ITGB4: variants seen among roughly 807,000 people sequenced by gnomAD.
ITGB4 encodes integrin beta-4.
Under a neutral mutation model 207.6 loss-of-function variants are expected in ITGB4, and 159 were observed. The observed-to-expected ratio is 0.77, with a 90% CI of 0.67 to 0.87. The LOEUF (loss-of-function observed/expected upper bound fraction) is 0.87, where lower values mean the gene tolerates loss of function less well. Among genes scored for constraint, ITGB4 ranks in the 40% least tolerant of loss-of-function variants. ITGB4 has a pLI of 0.00. For synonymous variants in ITGB4, 1,020 were observed against 1,062.7 expected (o/e 0.96, Z 0.78); for missense variants, 2,278 against 2,546.8 (o/e 0.89, Z 2.27).
In ITGB4 at chr17:75,754,778, C is replaced by G. The variant is rs8669; in HGVS notation, c.4521C>G (p.Pro1507=). The part of the protein sequence containing the change: ...RSEHSHSTTL[P]RDYSTLTSVS... ...AACACTCACACTCGACCACACTGCC[C>G]AGGGACTACTCCACCCTCACCTCCG... Residue 1507 remains proline (P), a synonymous_variant, in exon 34 of 40, where the codon CCC becomes CCG. Transcript: ENST00000200181. 0.47 allele frequency: 755,317 copies of G among 1,613,648 alleles called. 182,550 individuals carry two copies. The highest frequency in any genetic ancestry group is 0.49 in the Non-Finnish European group (582,982 of 1,179,716).
chr17:75,742,329 C>A lies in ITGB4; in HGVS notation c.2634-12C>A. 6.2e-7 allele frequency: 1 copy of A among 1,613,236 alleles called. No individual in the cohort carries two copies. Among genetic ancestry groups the A allele is most frequent in the Non-Finnish European group, 8.5e-7 (1 of 1,180,024 alleles). ...ACCCCTCCGCTGCCTGAACCTTCCA[C>A]CCTCGACCCAGGCAAGACCACACCA... is the stretch of plus-strand genomic sequence containing the variant. On this transcript the variant is annotated splice_polypyrimidine_tract_variant and intron_variant, in intron 23 of 39. Transcript: ENST00000200181. This position sits in a 1 kb window ranked among gnomAD's most constrained non-coding sequence, Gnocchi z 5.9.
chr17:75,756,877 G>GA lies in ITGB4; in HGVS notation c.5053+18_5053+19insA, dbSNP rs773361478. Reference sequence around the variant, plus strand: ...AGGAGGAGGTGCTGCCCACCCCGGGGGCAGGAGTGGCCAGGGGAGGGGTAA... The same window carrying GA: ...AGGAGGAGGTGCTGCCCACCCCGGGGAGCAGGAGTGGCCAGGGGAGGGGTAA... On this transcript the variant is annotated intron_variant, in intron 37 of 39. Coordinates refer to ENST00000200181, the MANE Select transcript of ITGB4 (RefSeq NM_000213.5). The GA allele has an allele frequency of 1.2e-6, 2 of 1,612,154 alleles. No individual in the cohort carries two copies. The highest frequency in any genetic ancestry group is 2.2e-5 in the South Asian group (2 of 91,066).
chr17:75,725,309 T>G (rs1437741813), intron 2 of ITGB4, among the ~76,000 whole-genome samples: 1 of 152,194 alleles, frequency 6.6e-6, no homozygotes, highest in African/African-American at 2.4e-5. Flanking sequence ...TGTTATTTTT[T>G]TATTTAATTC....
chr17:75,731,928 C>G lies in ITGB4; in HGVS notation c.1332C>G (p.Leu444=). 1 of 1,614,056 alleles carries G rather than the reference C, an allele frequency of 6.2e-7. No homozygotes were observed. Among genetic ancestry groups the G allele is most frequent in the Non-Finnish European group, 8.5e-7 (1 of 1,180,028 alleles). ...IHLKPSFSDG[L]KMDAGIICDV... is the part of the protein sequence containing the mutation. ...TGAAACCTTCCTTCTCCGACGGCCT[C>G]AAGATGGACGCGGGCATCATCTGTG... is the stretch of plus-strand genomic sequence containing the variant. The change falls in exon 11 of 40, where the codon CTC becomes CTG. Residue 444 remains leucine (L), a synonymous_variant. Transcript: ENST00000200181. This position sits in a 1 kb window ranked among gnomAD's most constrained non-coding sequence, Gnocchi z 6.8.
rs1222134870 is a variant in ITGB4, at chr17:75,740,074, G to A, written c.2446+3G>A. 3 of 1,610,644 alleles carry A rather than the reference G, an allele frequency of 1.9e-6. No homozygotes were observed. In the African/African-American group the frequency reaches 4.0e-5, roughly 21 times the overall value. On this transcript the variant is annotated splice_donor_region_variant and intron_variant, in intron 20 of 39. Coordinates refer to ENST00000200181, the MANE Select transcript of ITGB4 (RefSeq NM_000213.5). This position sits in a 1 kb window ranked among gnomAD's most constrained non-coding sequence, Gnocchi z 5.9. ...CAGCATCAACCCCACAGAGCTGGGT[G>A]AGGGCGGGGCTGGGCGCCACAGCTC...
chr17:75,728,519 T>A, intron 6 of ITGB4, 46 bp downstream of exon 6: 1 of 1,415,948 alleles, frequency 7.1e-7, no homozygotes, highest in South Asian at 1.1e-5. Flanking sequence ...GTCCAGGCCA[T>A]GTGACCCCCA....
Position 75,737,267 on chromosome 17 carries a change from C to T in ITGB4, c.1991-55C>T. ...GGGGCCCCCTCACCAGACCCTGGGTCCTCTGGGGCGGAGGGGTGTGGCTGG... is the reference window on the plus strand; with the variant it reads ...GGGGCCCCCTCACCAGACCCTGGGTTCTCTGGGGCGGAGGGGTGTGGCTGG... On this transcript the variant is annotated intron_variant, in intron 16 of 39. Coordinates refer to ENST00000200181, the MANE Select transcript of ITGB4 (RefSeq NM_000213.5). 13 of 1,563,916 alleles carry T rather than the reference C, an allele frequency of 8.3e-6. No individual in the cohort carries two copies. In the South Asian group the frequency reaches 1.5e-4, roughly 18 times the overall value.
chr17:75,743,829 C>A lies in ITGB4; in HGVS notation c.3079C>A (p.Arg1027Ser). Residue 1027 changes from arginine to serine, a missense_variant, in exon 26 of 40, where the codon CGC becomes AGC. Physicochemically the swap from Arg to Ser is moderately radical, Grantham distance 110. Coordinates refer to ENST00000200181, the MANE Select transcript of ITGB4 (RefSeq NM_000213.5). ...CGGCGGGAAGTCCCAGGTCTCCTAC[C>A]GCACACAGGATGGCACCGCGCAGGG... Reference protein sequence around the residue: ...LDGGKSQVSYRTQDGTAQGNR... With the variant: ...LDGGKSQVSYSTQDGTAQGNR... 1 of 1,607,184 alleles carries A rather than the reference C, an allele frequency of 6.2e-7. No individual in the cohort carries two copies.
Position 75,735,110 on chromosome 17 carries a change from C to T in ITGB4, c.1658-941C>T, listed in dbSNP as rs559219109. On this transcript the variant is annotated intron_variant, in intron 13 of 39. Coordinates refer to ENST00000200181, the MANE Select transcript of ITGB4 (RefSeq NM_000213.5). ...TTGATTGATTGATTGATTTTTGAGA[C>T]GGAGTCTTGCTCTGTCACCCAGGCT... Among the ~76,000 whole-genome samples, 6 of 152,290 alleles carry T rather than the reference C, an allele frequency of 3.9e-5. No individual in the cohort carries two copies. The East Asian group carries it at 7.7e-4, about 20-fold the overall frequency.
intron 26 of ITGB4, chr17:75,746,444 G>T (rs2061234320): frequency 6.6e-6 from 1 of 151,960 alleles, no homozygotes. Context: ...TGTTGGTCAG[G>T]CTGGTCTCGA....
At position 75,731,389 on chromosome 17, in the gene ITGB4, C is replaced by T. The variant is rs528068970; in HGVS notation, c.1215+21C>T. 1.2e-5 allele frequency: 18 copies of T among 1,531,416 alleles called. No individual in the cohort carries two copies. The highest frequency in any genetic ancestry group is 6.8e-5 in the East Asian group (3 of 44,226). 94.9% of individuals were successfully genotyped at this position (1,531,416 alleles called of 1,614,324 possible). ...AAGTGGTACGCCTCTGTGGGGGCAG[C>T]GGGGTGGGGGATAGGCACAGCGCCC... On this transcript the variant is annotated intron_variant, in intron 10 of 39. Coordinates refer to ENST00000200181, the MANE Select transcript of ITGB4 (RefSeq NM_000213.5). This position sits in a 1 kb window ranked among gnomAD's most constrained non-coding sequence, Gnocchi z 6.8.
rs1379124918 is a variant in ITGB4 at position 75,755,853 on chromosome 17, G to A, written c.4708+3G>A. ...GGAGTACCAGCTGCTGAACGGCGGT[G>A]AGGCATGGTGGCTGCCAGGCTGCGG... On this transcript the variant is annotated splice_donor_region_variant and intron_variant, in intron 35 of 39. Transcript: ENST00000200181. 14 of 1,601,940 alleles carry A rather than the reference G, an allele frequency of 8.7e-6. No homozygotes were observed. Among genetic ancestry groups the A allele is most frequent in the Non-Finnish European group, 1.2e-5 (14 of 1,179,554 alleles).
chr17:75,757,375 CA>C (rs1207223360), intron 39 of ITGB4, 40 bp from the exon 40 acceptor site: 2 of 1,612,984 alleles, frequency 1.2e-6, no homozygotes, highest in Non-Finnish European at 1.7e-6. Context: ...GGGAGAAGGG[CA>C]GACCCCAAGC....
chr17:75,756,175 G>A lies in ITGB4; in HGVS notation c.4709-254G>A, dbSNP rs74633520. Among the ~76,000 whole-genome samples, 34 of 152,280 alleles carry A rather than the reference G, an allele frequency of 2.2e-4. No individual in the cohort carries two copies. In the East Asian group the frequency reaches 5.6e-3, roughly 25 times the overall value. Reference sequence around the variant, plus strand: ...GGAACAAGGAAGTGGCACTTCCCTGGGCAGGCACATTCAAAGCAGCATGAC... The same window carrying A: ...GGAACAAGGAAGTGGCACTTCCCTGAGCAGGCACATTCAAAGCAGCATGAC... On this transcript the variant is annotated intron_variant, in intron 35 of 39. Transcript: ENST00000200181.
chr17:75,729,492 A>G lies in ITGB4; in HGVS notation c.738+56A>G. On this transcript the variant is annotated intron_variant, in intron 7 of 39. Coordinates refer to ENST00000200181, the MANE Select transcript of ITGB4 (RefSeq NM_000213.5). This position sits in a 1 kb window ranked among gnomAD's most constrained non-coding sequence, Gnocchi z 4.4. Reference sequence around the variant, plus strand: ...GGCCAGGGGTGAGCACTTCTGGGCAAGGGCCTGAGCTGCCCCCTGGCCTGC... The same window carrying G: ...GGCCAGGGGTGAGCACTTCTGGGCAGGGGCCTGAGCTGCCCCCTGGCCTGC... 6.3e-7 allele frequency: 1 copy of G among 1,580,498 alleles called. No individual in the cohort carries two copies. Among genetic ancestry groups the G allele is most frequent in the East Asian group, 2.3e-5 (1 of 43,940 alleles).
Position 75,742,820 on chromosome 17 carries a change from C to G in ITGB4, c.2962+59C>G. On this transcript the variant is annotated intron_variant, in intron 25 of 39. Transcript: ENST00000200181. This position sits in a 1 kb window ranked among gnomAD's most constrained non-coding sequence, Gnocchi z 5.9. Reference sequence around the variant, plus strand: ...CGGGGGCTCGGGGGCACTGGTTCCTCCTGCTTAAGTGGAATTGCGACCTGG... The same window carrying G: ...CGGGGGCTCGGGGGCACTGGTTCCTGCTGCTTAAGTGGAATTGCGACCTGG... 1 of 1,524,872 alleles carries G rather than the reference C, an allele frequency of 6.6e-7. No homozygotes were observed. Among genetic ancestry groups the G allele is most frequent in the Non-Finnish European group, 8.9e-7 (1 of 1,127,540 alleles). 94.5% of individuals were successfully genotyped at this position (1,524,872 alleles called of 1,614,324 possible).
In ITGB4 at chr17:75,739,795, G is replaced by T. The variant is rs1025279258; in HGVS notation, c.2255-85G>T. On this transcript the variant is annotated intron_variant, in intron 19 of 39. Coordinates refer to ENST00000200181, the MANE Select transcript of ITGB4 (RefSeq NM_000213.5). The surrounding 1 kb of genome is among the most constrained non-coding windows in gnomAD (Gnocchi z 5.4). ...GGGAAGCTGAACCTGGAACGGCAGA[G>T]GCTGGAGGCTCTGGGGTCCCACCTG... 2 of 1,610,542 alleles carry T rather than the reference G, an allele frequency of 1.2e-6. No homozygotes were observed. Among genetic ancestry groups the T allele is most frequent in the East Asian group, 4.5e-5 (2 of 44,856 alleles).
Position 75,729,346 on chromosome 17 carries a change from C to T in ITGB4, c.648C>T (p.Phe216=). 6.2e-7 allele frequency: 1 copy of T among 1,614,132 alleles called. No homozygotes were observed. ...GCCTGACAGAAGATGTGGATGAGTT[C>T]CGGAATAAACTGCAGGGAGAGCGGA... is the stretch of plus-strand genomic sequence containing the variant. The part of the protein sequence containing the change: ...VISLTEDVDE[F]RNKLQGERIS... Residue 216 remains phenylalanine (F), a synonymous_variant, in exon 7 of 40, where the codon TTC becomes TTT. Transcript: ENST00000200181. The surrounding 1 kb of genome is among the most constrained non-coding windows in gnomAD (Gnocchi z 4.4).
intron 6 of ITGB4, among the ~76,000 whole-genome samples, chr17:75,728,844 C>T (rs535348659): frequency 1.8e-4 from 28 of 152,122 alleles, no homozygotes; most frequent in South Asian, 1.2e-3. Context: ...ATTAGCCAGG[C>T]GTGATGGTGG....
Sources: gnomAD v4.1 joint callset for allele counts (sites outside exome capture counted in the v4.1 genomes callset) on GRCh38, gnomAD v4.1.1 for gene constraint, Gnocchi (gnomAD v3.1) non-coding constraint, MANE v1.5 for transcripts, NCBI Gene and HGNC (gene_info 2026-07-23, HGNC 2026-07-21) for gene names.